The following CBLB variants were observed in gnomAD, a reference collection of about 807,000 sequenced individuals.
The protein encoded by CBLB is E3 ubiquitin-protein ligase CBL-B.
Under a neutral mutation model 104.9 loss-of-function variants are expected in CBLB, and 31 were observed. The observed-to-expected ratio is 0.30, with a 90% confidence interval of 0.22 to 0.40. The LOEUF (loss-of-function observed/expected upper bound fraction) is 0.40. CBLB is among the 10% of genes least tolerant of loss of function. The probability of loss-of-function intolerance (pLI) is 1.00; values close to 1 mark genes in which losing one functional copy is unlikely to be tolerated. For missense variants in CBLB, 1,062 were observed against 1,214.6 expected (o/e 0.87, Z 1.87); for synonymous variants, 440 against 422.6 (o/e 1.04, Z -0.51).
intron 3 of CBLB, among the ~76,000 whole-genome samples, chr3:105,783,585 G>A (rs2152980798): frequency 6.6e-6 from 1 of 152,240 alleles, no homozygotes; most frequent in African/African-American, 2.4e-5. Flanking sequence ...TCTAGGCACT[G>A]ATATTACAAA....
At chr3:105,774,394 T>C (rs1219714718) in intron 4 of CBLB, among the ~76,000 whole-genome samples, 1 of 152,198 alleles carries the variant, frequency 6.6e-6, no homozygotes, top group Non-Finnish European at 1.5e-5. Context: ...AAAAATACTT[T>C]CTCCAATTAT....
At chr3:105,824,266 A>T (rs2153064185) in intron 3 of CBLB, 1 of 152,364 alleles carries the variant, frequency 6.6e-6, no homozygotes, top group South Asian at 2.1e-4. Context: ...AAGTCACTAC[A>T]GTCTGTCTTT....
Position 105,658,655 on chromosome 3 carries a change from C to A in CBLB, c.*315G>T. ...AAACTAAACTAAAAACAAGAACAAA[C>A]TGCAACTTTGCCAAACTGTAAACAA... is the stretch of plus-strand genomic sequence containing the variant. On this transcript the variant is annotated 3_prime_UTR_variant, in exon 19 of 19. Coordinates refer to ENST00000394030, the MANE Select transcript of CBLB (RefSeq NM_170662.5). 2.4e-6 allele frequency: 1 copy of A among 420,768 alleles called. No homozygotes were observed. Among genetic ancestry groups the A allele is most frequent in the Admixed American group, 3.8e-5 (1 of 25,980 alleles). 26.1% of individuals were successfully genotyped at this position (420,768 alleles called of 1,614,324 possible).
chr3:105,868,827 G>T lies in CBLB; in HGVS notation c.-106C>A. On this transcript the variant is annotated 5_prime_UTR_variant, in exon 1 of 19. Coordinates refer to ENST00000394030, the MANE Select transcript of CBLB (RefSeq NM_170662.5). ...AGTGTGTGTGGGGAGCCCCGGCTGG[G>T]AGTGGGATCGCTGAGAACAGCTCGC... 1 of 997,146 alleles carries T rather than the reference G, an allele frequency of 1.0e-6. No individual in the cohort carries two copies. Among genetic ancestry groups the T allele is most frequent in the Non-Finnish European group, 1.2e-6 (1 of 837,980 alleles). The allele number at this position is 997,146 out of a possible 1,614,324, so 61.8% of individuals were successfully genotyped here. A position where few individuals can be genotyped will look rare whatever the true frequency, so the allele number is the denominator to read the frequency against.
At chr3:105,692,939 C>T (rs552545925) in intron 13 of CBLB, among the ~76,000 whole-genome samples, 12 of 149,774 alleles carry the variant, frequency 8.0e-5, no homozygotes, top group South Asian at 6.4e-4. Flanking sequence ...TTTTACTAGC[C>T]GTAAACCCAT....
chr3:105,696,851 A>G (rs1041118549), intron 12 of CBLB, among the ~76,000 whole-genome samples: 3 of 151,922 alleles, frequency 2.0e-5, no homozygotes, highest in Non-Finnish European at 4.4e-5. Flanking sequence ...TTTATGCTAT[A>G]GGCTATCCAA....
At chr3:105,667,012 A>G (rs2064542636) in intron 18 of CBLB, among the ~76,000 whole-genome samples, 1 of 152,232 alleles carries the variant, frequency 6.6e-6, no homozygotes, top group Admixed American at 6.5e-5. Flanking sequence ...TAACAGAGAT[A>G]AACTATTGAA....
At chr3:105,704,446 A>G (rs1271069668) in intron 10 of CBLB, among the ~76,000 whole-genome samples, 1 of 152,240 alleles carries the variant, frequency 6.6e-6, no homozygotes, top group African/African-American at 2.4e-5. Context: ...AGACAATCAA[A>G]TGCAGATATT....
chr3:105,761,438 G>T (rs2077617125), intron 4 of CBLB, among the ~76,000 whole-genome samples: 2 of 152,196 alleles, frequency 1.3e-5, no homozygotes, highest in Admixed American at 6.5e-5. Context: ...GGGACCAGGT[G>T]GGAGATAACT....
chr3:105,797,949 A>G (rs775882689), intron 3 of CBLB, among the ~76,000 whole-genome samples: 3 of 152,226 alleles, frequency 2.0e-5, no homozygotes, highest in Non-Finnish European at 4.4e-5. Flanking sequence ...GGTTTTACCC[A>G]TTACAACGGT....
At chr3:105,755,016 C>CT (rs67405809) in intron 4 of CBLB, among the ~76,000 whole-genome samples, 305 of 143,856 alleles carry the variant, frequency 2.1e-3, no homozygotes, top group Admixed American at 5.3e-3. Flanking sequence ...AGTATCTTTT[C>CT]TTTTTTTTTT....
intron 3 of CBLB, among the ~76,000 whole-genome samples, chr3:105,843,661 T>C (rs909558247): frequency 6.6e-6 from 1 of 152,138 alleles, no homozygotes; most frequent in Non-Finnish European, 1.5e-5. Flanking sequence ...TATTGGGAAA[T>C]GCAGAATATG....
intron 4 of CBLB, among the ~76,000 whole-genome samples, chr3:105,759,071 T>C (rs1162331535): frequency 6.6e-6 from 1 of 151,588 alleles, no homozygotes; most frequent in Admixed American, 6.6e-5. Flanking sequence ...TACAAACAAC[T>C]GGAGGGTGGG....
intron 3 of CBLB, among the ~76,000 whole-genome samples, chr3:105,782,633 T>C (rs1317736647): frequency 2.7e-5 from 4 of 150,770 alleles, no homozygotes; most frequent in African/African-American, 9.8e-5. Flanking sequence ...TTGCCCAGGC[T>C]GGAATGCAGT....
At chr3:105,670,401 T>C (rs756436844) in intron 17 of CBLB, 49 bp from the exon 18 acceptor site, 2 of 1,494,270 alleles carry the variant, frequency 1.3e-6, no homozygotes, top group Non-Finnish European at 1.9e-6. Flanking sequence ...CTCTGTTGAT[T>C]GGCTGAAGAA....
chr3:105,715,002 T>A (rs1339559468), intron 10 of CBLB, among the ~76,000 whole-genome samples: 1 of 152,228 alleles, frequency 6.6e-6, no homozygotes, highest in Non-Finnish European at 1.5e-5. Context: ...ACTAGTTCAG[T>A]CTGTCAACAT....
chr3:105,804,478 T>A (rs12635805), intron 3 of CBLB, among the ~76,000 whole-genome samples: 3 of 150,976 alleles, frequency 2.0e-5, no homozygotes, highest in Non-Finnish European at 4.4e-5. Flanking sequence ...CCAAGATCGC[T>A]CCACTGCACT....
chr3:105,721,229 G>A (rs1383234241), intron 9 of CBLB, among the ~76,000 whole-genome samples: 1 of 152,192 alleles, frequency 6.6e-6, no homozygotes, highest in East Asian at 1.9e-4. Flanking sequence ...GGCAAGACAA[G>A]GGATGCAGAG....
intron 18 of CBLB, among the ~76,000 whole-genome samples, chr3:105,661,416 T>C (rs1187376115): frequency 6.6e-6 from 1 of 152,214 alleles, no homozygotes; most frequent in Admixed American, 6.5e-5. Flanking sequence ...TAGAAATTAT[T>C]GAAAGCTTTC....
Sources: gnomAD v4.1 joint callset for allele counts (sites outside exome capture counted in the v4.1 genomes callset) on GRCh38, gnomAD v4.1.1 for gene constraint, MANE v1.5 for transcripts, NCBI Gene and HGNC (gene_info 2026-07-23, HGNC 2026-07-21) for gene names.